The following KSR2 variants were observed in gnomAD, a reference collection of about 807,000 sequenced individuals.
KSR2 encodes kinase suppressor of ras 2.
Under a neutral mutation model 107.8 loss-of-function variants are expected in KSR2, and 25 were observed. The observed-to-expected ratio is 0.23, with a 90% CI of 0.17 to 0.32. KSR2 has a LOEUF of 0.32. Among genes scored for constraint, KSR2 ranks in the 10% least tolerant of loss-of-function variants. The pLI, the probability that KSR2 is intolerant of heterozygous loss-of-function variation, is 1.00. For synonymous variants in KSR2, 480 were observed against 507.0 expected (o/e 0.95, Z 0.71); for missense variants, 887 against 1,268.9 (o/e 0.70, Z 4.57).
In KSR2 at chr12:117,553,862, C is replaced by CT. The variant is rs1491148892; in HGVS notation, c.1518+1306_1518+1307insA. Among the ~76,000 whole-genome samples the CT allele has an allele frequency of 3.7e-4, 52 of 141,226 alleles. 1 individual carries two copies. The highest frequency in any genetic ancestry group is 5.6e-4 in the Non-Finnish European group (38 of 67,366). The allele number at this position is 141,226 out of a possible 152,430, so 92.6% of individuals were successfully genotyped here. On this transcript the variant is annotated intron_variant, in intron 9 of 19. Transcript: ENST00000339824. ...CTCCCCTCTCCTCTCTCTCTCTCTCCCTCTCTCATGCACGTTTCCTTCCTT... is the reference window on the plus strand; with the variant it reads ...CTCCCCTCTCCTCTCTCTCTCTCTCCTCTCTCTCATGCACGTTTCCTTCCTT...
chr12:117,822,506 A>G (rs1664535908), intron 3 of KSR2, among the ~76,000 whole-genome samples: 1 of 152,244 alleles, frequency 6.6e-6, no homozygotes, highest in South Asian at 2.1e-4. Context: ...TGCATTTAAT[A>G]CAGCCAACCT....
chr12:117,876,228 C>CG (rs1893844823), intron 1 of KSR2, among the ~76,000 whole-genome samples: 1 of 152,186 alleles, frequency 6.6e-6, no homozygotes, highest in African/African-American at 2.4e-5. Flanking sequence ...GCCCAGCTGA[C>CG]GGGGGAGAGA....
At chr12:117,948,741 C>T (rs559462083) in intron 1 of KSR2, among the ~76,000 whole-genome samples, 51 of 152,292 alleles carry the variant, frequency 3.3e-4, no homozygotes, top group Admixed American at 6.5e-4. Context: ...TAAACTCACA[C>T]TATATACCAA....
At chr12:117,949,813 T>TGTA (rs1896307349) in intron 1 of KSR2, among the ~76,000 whole-genome samples, 1 of 152,156 alleles carries the variant, frequency 6.6e-6, no homozygotes, top group African/African-American at 2.4e-5. Flanking sequence ...GAGGTTTAGG[T>TGTA]TACAGTGGTG....
intron 1 of KSR2, among the ~76,000 whole-genome samples, chr12:117,888,588 G>A (rs532365666): frequency 7.9e-5 from 12 of 152,172 alleles, no homozygotes; most frequent in Admixed American, 1.3e-4. Flanking sequence ...TCTAGGAACA[G>A]GAAGAAACCA....
intron 3 of KSR2, among the ~76,000 whole-genome samples, chr12:117,783,392 T>A (rs1481820673): frequency 6.6e-6 from 1 of 152,172 alleles, no homozygotes; most frequent in East Asian, 1.9e-4. Context: ...AGGGCTTAGA[T>A]CCTGATTCAC....
intron 3 of KSR2, among the ~76,000 whole-genome samples, chr12:117,823,085 G>A (rs1891620375): frequency 1.3e-5 from 2 of 151,902 alleles, no homozygotes; most frequent in Non-Finnish European, 2.9e-5. Flanking sequence ...TATATGCAAA[G>A]GTCCTGAAGT....
chr12:117,514,544 CTTTT>C (rs55927845), intron 14 of KSR2, among the ~76,000 whole-genome samples: 1 of 130,048 alleles, frequency 7.7e-6, no homozygotes, highest in Non-Finnish European at 1.6e-5. Flanking sequence ...CTCTCTCTCT[CTTTT>C]TTTTTTTTTT....
At chr12:117,552,432 G>T (rs1877375853) in intron 9 of KSR2, among the ~76,000 whole-genome samples, 1 of 152,198 alleles carries the variant, frequency 6.6e-6, no homozygotes, top group Admixed American at 6.5e-5. Context: ...TCAGTAAAGT[G>T]CAGCAGAAGT....
At chr12:117,738,797 C>T (rs1888048144) in intron 4 of KSR2, among the ~76,000 whole-genome samples, 1 of 152,150 alleles carries the variant, frequency 6.6e-6, no homozygotes, top group Admixed American at 6.5e-5. Context: ...ATCGCTTGAA[C>T]CCAGGAGGCA....
At chr12:117,487,277 C>T (rs1177743899) in intron 14 of KSR2, among the ~76,000 whole-genome samples, 5 of 152,328 alleles carry the variant, frequency 3.3e-5, no homozygotes, top group African/African-American at 1.2e-4. Context: ...TCTGTCCACC[C>T]ATCCGTATAC....
At chr12:117,592,009 G>A (rs550371980) in intron 5 of KSR2, among the ~76,000 whole-genome samples, 384 of 142,418 alleles carry the variant, frequency 2.7e-3, no homozygotes, top group African/African-American at 9.6e-3. Context: ...ATTCTGTCTC[G>A]AAAAAAAAAA....
intron 1 of KSR2, among the ~76,000 whole-genome samples, chr12:117,885,690 C>A (rs187509461): frequency 2.4e-5 from 1 of 41,756 alleles, no homozygotes; most frequent in African/African-American, 9.9e-5. Context: ...ACACAGGGGG[C>A]GGGGGGTAAG....
At chr12:117,708,516 G>A (rs1566889) in intron 4 of KSR2, among the ~76,000 whole-genome samples, 98,675 of 151,986 alleles carry the variant, frequency 0.65, 34,369 homozygotes, top group African/African-American at 0.91. Flanking sequence ...CTAATACCTA[G>A]TGTAGTGGAT....
chr12:117,808,679 T>C (rs1463641439), intron 3 of KSR2, among the ~76,000 whole-genome samples: 1 of 152,102 alleles, frequency 6.6e-6, no homozygotes, highest in African/African-American at 2.4e-5. Flanking sequence ...CATCTCTCCA[T>C]CCTCAACTCC....
intron 3 of KSR2, among the ~76,000 whole-genome samples, chr12:117,771,106 A>C (rs1044231538): frequency 6.6e-6 from 1 of 152,224 alleles, no homozygotes; most frequent in Non-Finnish European, 1.5e-5. Context: ...ACATTTATAC[A>C]ACATTGTGAA....
intron 4 of KSR2, among the ~76,000 whole-genome samples, chr12:117,719,253 G>C (rs1178070719): frequency 6.6e-6 from 1 of 152,098 alleles, no homozygotes; most frequent in Non-Finnish European, 1.5e-5. Flanking sequence ...GGAGTGCAGT[G>C]ACACCATCTT....
intron 3 of KSR2, among the ~76,000 whole-genome samples, chr12:117,794,032 GCACA>G (rs751551931): frequency 2.8e-4 from 9 of 32,514 alleles, no homozygotes; most frequent in East Asian, 3.8e-3. Context: ...ACACCAACAT[GCACA>G]CACCAACATG....
At chr12:117,696,088 T>C (rs1220293777) in intron 4 of KSR2, among the ~76,000 whole-genome samples, 1 of 152,142 alleles carries the variant, frequency 6.6e-6, no homozygotes, top group Non-Finnish European at 1.5e-5. Flanking sequence ...CCAATTTAAT[T>C]AGAGGTTCAG....
Sources: allele counts gnomAD v4.1 joint callset (sites outside exome capture counted in the v4.1 genomes callset), GRCh38; gene constraint gnomAD v4.1.1; transcripts MANE v1.5; gene names NCBI Gene and HGNC (gene_info 2026-07-23, HGNC 2026-07-21).